LRRC24: variants seen among roughly 807,000 people sequenced by gnomAD.
LRRC24 encodes leucine-rich repeat-containing protein 24.
LRRC24 carries 19 observed loss-of-function variants against 15.3 expected under a neutral mutation model. The observed-to-expected ratio is 1.25, with a 90% CI of 0.87 to 1.83. The LOEUF (loss-of-function observed/expected upper bound fraction) is 1.83, where lower values mean the gene tolerates loss of function less well. LRRC24 is among the 40% of genes most tolerant of loss of function. LRRC24 has a pLI of 0.00. For synonymous variants in LRRC24, 469 were observed against 359.6 expected (o/e 1.30, Z -3.44); for missense variants, 914 against 723.9 (o/e 1.26, Z -3.01).
rs539449758 is a variant in LRRC24 at position 144,525,682 on chromosome 8, T to C, written c.-59-649A>G. The C allele has an allele frequency of 3.5e-4, 53 of 152,094 alleles. 1 individual carries two copies. The highest frequency in any genetic ancestry group is 1.3e-3 in the African/African-American group (53 of 41,470). 9.4% of individuals were successfully genotyped at this position (152,094 alleles called of 1,614,324 possible). A position where few individuals can be genotyped will look rare whatever the true frequency, so the allele number is the denominator to read the frequency against. ...TTTTCTCAGGTAACCTGTCAGAGAA[T>C]TGGGGGATGAGAAAAATAATAGGAA... is the stretch of plus-strand genomic sequence containing the variant. On this transcript the variant is annotated intron_variant, in intron 1 of 4. Transcript: ENST00000529415.
intron 4 of LRRC24, 95 bp from the exon 5 acceptor site, chr8:144,523,504 C>T: frequency 1.4e-6 from 2 of 1,434,886 alleles, no homozygotes; most frequent in South Asian, 1.5e-5. Flanking sequence ...GGCCTCTTTC[C>T]CACCTCCCAC....
At chr8:144,524,420 C>G (rs371184558) in intron 3 of LRRC24, 21 bp downstream of exon 3, 31 of 1,597,130 alleles carry the variant, frequency 1.9e-5, no homozygotes, top group Middle Eastern at 1.7e-4. Context: ...TATCCCGCCC[C>G]TTTAGACCCC....
rs1038035739 is a variant in LRRC24 at position 144,524,840 on chromosome 8, C to A, written c.135G>T (p.Pro45=). The change falls in exon 2 of 5, where the codon CCG becomes CCT. Residue 45 remains proline (P), a synonymous_variant. Coordinates refer to ENST00000529415, the MANE Select transcript of LRRC24 (RefSeq NM_001024678.4). ...ECGALRLRVV[P]LGIPPGTQTL... is the part of the protein sequence containing the mutation. ...CCTGCGTCCCTGGCGGGATTCCCAG[C>A]GGGACGACGCGCAACCGCAGGGCGC... is the stretch of plus-strand genomic sequence containing the variant. The A allele has an allele frequency of 6.8e-7, 1 of 1,479,122 alleles. No homozygotes were observed. The highest frequency in any genetic ancestry group is 9.0e-7 in the Non-Finnish European group (1 of 1,114,864). The allele number at this position is 1,479,122 out of a possible 1,614,324, so 91.6% of individuals were successfully genotyped here.
chr8:144,524,035 C>T (rs1816243144), intron 4 of LRRC24, 75 bp downstream of exon 4: 4 of 1,511,434 alleles, frequency 2.6e-6, no homozygotes, highest in Non-Finnish European at 9.0e-7. Context: ...GATGTCAGAG[C>T]CCCTCCACAC....
chr8:144,523,303 C>T lies in LRRC24; in HGVS notation c.714G>A (p.Glu238=), dbSNP rs141736827. 2.8e-4 allele frequency: 458 copies of T among 1,610,910 alleles called. 4 individuals are homozygous for T. The East Asian group carries it at 0.01, about 36-fold the overall frequency. Residue 238 remains glutamate (E), a synonymous_variant, in exon 5 of 5, where the codon GAG becomes GAA. Transcript: ENST00000529415. ...GACTCTGGAGCGCCAGGCGCGGGGG[C>T]TCTGCACACATGATCTTCCTGTCCC... ...TSRDRKIMCA[E]PPRLALQSLL...
In LRRC24 at chr8:144,524,979, C is replaced by G. The variant is rs1182736584; in HGVS notation, c.-5G>C. 6.2e-6 allele frequency: 9 copies of G among 1,447,816 alleles called. No homozygotes were observed. Among genetic ancestry groups the G allele is most frequent in the Admixed American group, 2.6e-5 (1 of 37,994 alleles). 89.7% of individuals were successfully genotyped at this position (1,447,816 alleles called of 1,614,324 possible). A position where few individuals can be genotyped will look rare whatever the true frequency, so the allele number is the denominator to read the frequency against. ...TGCGGGGGCCCTCAGGGCCATCTCCCGAGGCCCGGTTCCTCACCGGCCCTT... is the reference window on the plus strand; with the variant it reads ...TGCGGGGGCCCTCAGGGCCATCTCCGGAGGCCCGGTTCCTCACCGGCCCTT... On this transcript the variant is annotated 5_prime_UTR_variant, in exon 2 of 5. Transcript: ENST00000529415.
chr8:144,525,197 G>T, intron 1 of LRRC24, 164 bp from the exon 2 acceptor site: 1 of 446,416 alleles, frequency 2.2e-6, no homozygotes. Context: ...TAAAGCTCTG[G>T]GGCATCAGGT....
In LRRC24 at chr8:144,522,963, C is replaced by T; in HGVS notation, c.1054G>A (p.Gly352Ser). 1.3e-6 allele frequency: 2 copies of T among 1,580,078 alleles called. No homozygotes were observed. The highest frequency in any genetic ancestry group is 1.7e-6 in the Non-Finnish European group (2 of 1,169,966). Reference protein sequence around the residue: ...KYECEASNAGGAARVPFRLLV... With the variant: ...KYECEASNAGSAARVPFRLLV... ...AGCCGGAAGGGCACGCGGGCAGCGCCGCCGGCGTTGGAGGCCTCGCACTCG... is the reference window on the plus strand; with the variant it reads ...AGCCGGAAGGGCACGCGGGCAGCGCTGCCGGCGTTGGAGGCCTCGCACTCG... The change falls in exon 5 of 5, where the codon GGC becomes AGC. Residue 352 changes from glycine to serine, a missense_variant. By Grantham distance (56) the Gly-to-Ser change is moderately conservative (BLOSUM62 0). Coordinates refer to ENST00000529415, the MANE Select transcript of LRRC24 (RefSeq NM_001024678.4).
In LRRC24 at chr8:144,523,116, C is replaced by T. The variant is rs1451467738; in HGVS notation, c.901G>A (p.Glu301Lys). The change falls in exon 5 of 5, where the codon GAG (glutamate) becomes AAG (lysine). Residue 301 changes from glutamate (E) to lysine (K), a missense_variant. Glu to Lys is a moderately conservative substitution (Grantham distance 56, BLOSUM62 1). Transcript: ENST00000529415. ...TGGGCCTGGGCTCGCGGCCGGCCCT[C>T]GCGAGGCTGGGGCACCTTTCTCCAG... ...VTWRKVPQPREGRPRAQAQLE... is the reference protein window; with the variant it reads ...VTWRKVPQPRKGRPRAQAQLE... 3 of 1,609,684 alleles carry T rather than the reference C, an allele frequency of 1.9e-6. No homozygotes were observed. Among genetic ancestry groups the T allele is most frequent in the South Asian group, 2.2e-5 (2 of 90,970 alleles).
chr8:144,524,545 CGCGCAGCCGGTT>C lies in LRRC24; in HGVS notation c.322_333del (p.Asn108_Arg111del). 1 of 1,582,528 alleles carries C rather than the reference CGCGCAGCCGGTT, an allele frequency of 6.3e-7. No individual in the cohort carries two copies. Among genetic ancestry groups the C allele is most frequent in the Non-Finnish European group, 8.5e-7 (1 of 1,172,768 alleles). On this transcript the variant is annotated inframe_deletion, in exon 3 of 5. Coordinates refer to ENST00000529415, the MANE Select transcript of LRRC24 (RefSeq NM_001024678.4). ...CCTACGAAGGCGCCGCTGCGCAAGC[CGCGCAGCCGGTT>C]GCTAGTGAGCGCCAGCTCCAGCAGG...
rs1397572554 is a variant in LRRC24 at position 144,523,474 on chromosome 8, GT to G, written c.608-66del. 7.4e-6 allele frequency: 11 copies of G among 1,487,818 alleles called. No individual in the cohort carries two copies. In the East Asian group the frequency reaches 2.1e-4, roughly 29 times the overall value. The allele number at this position is 1,487,818 out of a possible 1,614,324, so 92.2% of individuals were successfully genotyped here. ...TGCTAAAACAGCCTGTGCAGTTGGG[GT>G]TTTGCAGGCCAGGACAGAGGCCTCT... is the stretch of plus-strand genomic sequence containing the variant. On this transcript the variant is annotated intron_variant, in intron 4 of 4. Transcript: ENST00000529415.
At chr8:144,525,336 G>A (rs1478284989) in intron 1 of LRRC24, among the ~76,000 whole-genome samples, 2 of 152,228 alleles carry the variant, frequency 1.3e-5, no homozygotes, top group Admixed American at 6.5e-5. Context: ...TGCTCAGGAC[G>A]TGGATGTGTG....
chr8:144,522,563 G>T lies in LRRC24; in HGVS notation c.1454C>A (p.Ala485Glu). Residue 485 changes from alanine to glutamate, a missense_variant, in exon 5 of 5, where the codon GCG becomes GAG. Coordinates refer to ENST00000529415, the MANE Select transcript of LRRC24 (RefSeq NM_001024678.4). The part of the protein sequence containing the change: ...RSKPLFAEGP[A>E]EAPADCGPEQ... ...CGGGCCGCAGTCAGCGGGCGCCTCC[G>T]CCGGACCCTCGGCGAAGAGCGGCTT... is the stretch of plus-strand genomic sequence containing the variant. 6.5e-7 allele frequency: 1 copy of T among 1,547,616 alleles called. No individual in the cohort carries two copies.
chr8:144,524,336 CTCTT>C lies in LRRC24; in HGVS notation c.439-62_439-59del, dbSNP rs911772550. On this transcript the variant is annotated intron_variant, in intron 3 of 4. Transcript: ENST00000529415. ...GGGCGCCGAGGTTGGGGGCATGTCT[CTCTT>C]CTTACCAAGCTAGACTGGGTTGCCT... 4 of 1,599,540 alleles carry C rather than the reference CTCTT, an allele frequency of 2.5e-6. No homozygotes were observed. In the African/African-American group the frequency reaches 4.0e-5, roughly 16 times the overall value.
At chr8:144,523,640 CTT>C in intron 4 of LRRC24, 2 of 539,170 alleles carry the variant, frequency 3.7e-6, no homozygotes, top group South Asian at 4.9e-5. Context: ...TTACAGATCA[CTT>C]CTCCGTCGGT....
In LRRC24 at chr8:144,523,170, C is replaced by A. The variant is rs752051665; in HGVS notation, c.847G>T (p.Ala283Ser). 6.2e-7 allele frequency: 1 copy of A among 1,610,410 alleles called. No individual in the cohort carries two copies. The highest frequency in any genetic ancestry group is 1.3e-5 in the African/African-American group (1 of 75,030). ...ACCAATGGCTGCGGGTAGCCGGAGG[C>A]TTGGCAGGCAACCCGCAGGTCCTCA... The part of the protein sequence containing the change: ...LGEDLRVACQ[A>S]SGYPQPLVTW... The change falls in exon 5 of 5, where the codon GCC (alanine) becomes TCC (serine). Residue 283 changes from alanine to serine, a missense_variant. Coordinates refer to ENST00000529415, the MANE Select transcript of LRRC24 (RefSeq NM_001024678.4).
rs576548453 is a variant in LRRC24 at position 144,522,918 on chromosome 8, G to C, written c.1099C>G (p.Gln367Glu). 3 of 1,452,664 alleles carry C rather than the reference G, an allele frequency of 2.1e-6. No individual in the cohort carries two copies. In the African/African-American group the frequency reaches 4.4e-5, roughly 21 times the overall value. 90.0% of individuals were successfully genotyped at this position (1,452,664 alleles called of 1,614,324 possible). Reference sequence around the variant, plus strand: ...GGTTGCGCGGGCTGCTGCGGCTGCTGCCGGGACGCGTTGACCAGGAGCCGG... The same window carrying C: ...GGTTGCGCGGGCTGCTGCGGCTGCTCCCGGGACGCGTTGACCAGGAGCCGG... The part of the protein sequence containing the change: ...PFRLLVNASR[Q>E]QPQQPAQPPP... The change falls in exon 5 of 5, where the codon CAG becomes GAG. Residue 367 changes from glutamine to glutamate, a missense_variant. Gln to Glu is a conservative substitution (Grantham distance 29). Coordinates refer to ENST00000529415, the MANE Select transcript of LRRC24 (RefSeq NM_001024678.4).
rs370096245 is a variant in LRRC24 at position 144,524,258 on chromosome 8, C to G, written c.459G>C (p.Leu153=). The part of the protein sequence containing the change: ...LHLPRLQELH[L]QENSIELLED... ...CCAGCAGCTCAATGCTGTTTTCTTG[C>G]AGGTGAAGCTCCTGCAGTCGCTGAA... Residue 153 remains leucine, a synonymous_variant, in exon 4 of 5, where the codon CTG becomes CTC. Transcript: ENST00000529415. 101 of 1,612,222 alleles carry G rather than the reference C, an allele frequency of 6.3e-5. No individual in the cohort carries two copies. Among genetic ancestry groups the G allele is most frequent in the Non-Finnish European group, 8.1e-5 (96 of 1,179,936 alleles).
chr8:144,524,401 A>G (rs1816269314), intron 3 of LRRC24, 40 bp downstream of exon 3: 3 of 1,595,526 alleles, frequency 1.9e-6, no homozygotes, highest in Non-Finnish European at 2.5e-6. Context: ...GCGAGGGGCC[A>G]TAATGGAGTA....
Sources: allele counts gnomAD v4.1 joint callset (sites outside exome capture counted in the v4.1 genomes callset), GRCh38; gene constraint gnomAD v4.1.1; transcripts MANE v1.5; gene names NCBI Gene and HGNC (gene_info 2026-07-23, HGNC 2026-07-21).